The following OLFM2 variants were observed in gnomAD, a reference collection of about 807,000 sequenced individuals.
OLFM2 encodes olfactomedin 2.
In OLFM2, 20 loss-of-function variants were observed where a neutral mutation model predicts 43.9. The ratio of observed to expected loss-of-function variants is 0.46; its 90% CI spans 0.32 to 0.66. The LOEUF (loss-of-function observed/expected upper bound fraction) is 0.66. OLFM2 is among the 30% of genes least tolerant of loss of function. OLFM2 has a pLI of 0.04. For synonymous variants in OLFM2, 268 were observed against 278.6 expected (o/e 0.96, Z 0.38); for missense variants, 416 against 643.6 (o/e 0.65, Z 3.83).
rs768180536 is a variant in OLFM2 at position 9,936,353 on chromosome 19, G to A, written c.14C>T (p.Thr5Met). 5.3e-6 allele frequency: 8 copies of A among 1,499,968 alleles called. No homozygotes were observed. In the South Asian group the frequency reaches 7.4e-5, roughly 14 times the overall value. 92.9% of individuals were successfully genotyped at this position (1,499,968 alleles called of 1,614,324 possible). A position where few individuals can be genotyped will look rare whatever the true frequency, so the allele number is the denominator to read the frequency against. Residue 5 changes from threonine to methionine, a missense_variant, in exon 1 of 6, where the codon ACG becomes ATG. Thr to Met is a moderately conservative substitution (Grantham distance 81, BLOSUM62 -1). Coordinates refer to ENST00000264833, the MANE Select transcript of OLFM2 (RefSeq NM_058164.4). ...CAGCAGCAGCAGCGGCGGCGGGACC[G>A]TGAGCGGCCACATGACGCGCCCCTA... Reference protein sequence around the residue: MWPLTVPPPLLLLLC... With the variant: MWPLMVPPPLLLLLC...
At chr19:9,928,803 T>TAA (rs78229608) in intron 1 of OLFM2, among the ~76,000 whole-genome samples, 7 of 137,212 alleles carry the variant, frequency 5.1e-5, no homozygotes, top group African/African-American at 1.6e-4. Context: ...AGACTCTGTC[T>TAA]AAAAAAAAAA....
chr19:9,869,213 A>G (rs980258196), intron 1 of OLFM2, among the ~76,000 whole-genome samples: 1 of 152,178 alleles, frequency 6.6e-6, no homozygotes, highest in Admixed American at 6.5e-5. Context: ...GAGAAAGCTC[A>G]ATTATTTTTG....
chr19:9,863,609 CA>C (rs2046379953), intron 1 of OLFM2, among the ~76,000 whole-genome samples: 1 of 151,948 alleles, frequency 6.6e-6, no homozygotes, highest in Non-Finnish European at 1.5e-5. Context: ...TGATCATTTG[CA>C]CAGCCATTAC....
chr19:9,924,302 AAGCTGAGGT>A (rs1286212431), intron 1 of OLFM2, among the ~76,000 whole-genome samples: 2 of 149,000 alleles, frequency 1.3e-5, no homozygotes, highest in African/African-American at 4.9e-5. Context: ...GCTATTCGGG[AAGCTGAGGT>A]AGGAGAATGG....
intron 1 of OLFM2, among the ~76,000 whole-genome samples, chr19:9,897,327 CAAAAA>C (rs1160281673): frequency 2.1e-5 from 2 of 93,388 alleles, no homozygotes; most frequent in Admixed American, 1.3e-4. Context: ...GACTTCGTCT[CAAAAA>C]AAAAAAAAAA....
intron 1 of OLFM2, among the ~76,000 whole-genome samples, chr19:9,861,429 G>T (rs2046364796): frequency 6.6e-6 from 1 of 152,016 alleles, no homozygotes; most frequent in African/African-American, 2.4e-5. Context: ...CTCCCAAAGT[G>T]CTGGCATTAC....
At position 9,856,817 on chromosome 19, in the gene OLFM2, G is replaced by A. The variant is rs774239947; in HGVS notation, c.677C>T (p.Ala226Val). 1.4e-5 allele frequency: 23 copies of A among 1,612,970 alleles called. No homozygotes were observed. The highest frequency in any genetic ancestry group is 1.1e-4 in the African/African-American group (8 of 75,022). Residue 226 changes from alanine (A) to valine (V), a missense_variant, in exon 5 of 6, where the codon GCG becomes GTG. Physicochemically the swap from Ala to Val is moderately conservative, Grantham distance 64. Transcript: ENST00000264833. The surrounding 1 kb of genome is among the most constrained non-coding windows in gnomAD (Gnocchi z 4.0). ...SWMTDTMAPS[A>V]DSRVWYMDGY... ...GGCGCAGTCACTCACCCGGCTATCC[G>A]CACTGGGGGCCATCGTGTCAGTCAT...
chr19:9,908,453 A>C, intron 1 of OLFM2, among the ~76,000 whole-genome samples: 1 of 130,044 alleles, frequency 7.7e-6, no homozygotes, highest in Non-Finnish European at 1.6e-5. Context: ...GCCTGCCATC[A>C]CACCTGGCTA....
chr19:9,854,814 CG>C lies in OLFM2; in HGVS notation c.736del (p.Arg246ValfsTer130). On this transcript the variant is annotated frameshift_variant, in exon 6 of 6. Transcript: ENST00000264833. LOFTEE classifies it high-confidence loss of function. The surrounding 1 kb of genome is among the most constrained non-coding windows in gnomAD (Gnocchi z 9.5). ...YYKGRRVLEFRTLGDFIKGQN... is the reference protein window; with the variant it reads ...YYKGRRVLEFXTLGDFIKGQN... ...GCCTTTGATGAAGTCTCCCAGGGTA[CG>C]GAACTCCAGGACCCGGCGGCCTTTG... is the stretch of plus-strand genomic sequence containing the variant. The C allele has an allele frequency of 6.2e-7, 1 of 1,606,394 alleles. No homozygotes were observed. Among genetic ancestry groups the C allele is most frequent in the Non-Finnish European group, 8.5e-7 (1 of 1,174,568 alleles).
chr19:9,913,886 G>C (rs1443234535), intron 1 of OLFM2: 3 of 157,628 alleles, frequency 1.9e-5, no homozygotes, highest in Non-Finnish European at 4.0e-5. Flanking sequence ...ACTTCCAGCC[G>C]CCGTGACGTC....
intron 1 of OLFM2, among the ~76,000 whole-genome samples, chr19:9,899,257 TC>T (rs2046710552): frequency 6.7e-6 from 1 of 149,474 alleles, no homozygotes; most frequent in African/African-American, 2.5e-5. Context: ...AGAATGAGAT[TC>T]CATCTCAATT....
Position 9,857,381 on chromosome 19 carries a change from C to T in OLFM2, c.462G>A (p.Arg154=), listed in dbSNP as rs376237976. 6.2e-7 allele frequency: 1 copy of T among 1,614,184 alleles called. No individual in the cohort carries two copies. The highest frequency in any genetic ancestry group is 1.7e-5 in the Admixed American group (1 of 60,022). Residue 154 remains arginine, a synonymous_variant, in exon 4 of 6, where the codon AGG becomes AGA. Transcript: ENST00000264833. This position sits in a 1 kb window ranked among gnomAD's most constrained non-coding sequence, Gnocchi z 5.7. ...TGGCCGCCAGACTGCCGGAGAGATTCCTCACCTCCTCCCGCAAGCGTACAA... is the reference window on the plus strand; with the variant it reads ...TGGCCGCCAGACTGCCGGAGAGATTTCTCACCTCCTCCCGCAAGCGTACAA... ...RTIVRLREEV[R]NLSGSLAAIQ... is the part of the protein sequence containing the mutation.
chr19:9,924,406 CAA>C (rs1166738814), intron 1 of OLFM2, among the ~76,000 whole-genome samples: 527 of 25,706 alleles, frequency 0.021, 5 homozygotes, highest in African/African-American at 0.047. Flanking sequence ...ACTCTGTCTC[CAA>C]AAAAAAAAAA....
chr19:9,854,134 G>T lies in OLFM2; in HGVS notation c.*52C>A. 2 of 1,548,640 alleles carry T rather than the reference G, an allele frequency of 1.3e-6. No individual in the cohort carries two copies. The highest frequency in any genetic ancestry group is 1.8e-6 in the Non-Finnish European group (2 of 1,125,018). ...GAGGGACACAGGCAGAATGAAAAGG[G>T]CCCCCAGCCCCCAGAGGCCCCCCAG... On this transcript the variant is annotated 3_prime_UTR_variant, in exon 6 of 6. Coordinates refer to ENST00000264833, the MANE Select transcript of OLFM2 (RefSeq NM_058164.4). The surrounding 1 kb of genome is among the most constrained non-coding windows in gnomAD (Gnocchi z 9.5).
intron 1 of OLFM2, among the ~76,000 whole-genome samples, chr19:9,904,152 TTGTGTGTGTGTGTG>T (rs56281493): frequency 1.5e-3 from 195 of 127,258 alleles, no homozygotes; most frequent in South Asian, 4.0e-3. Flanking sequence ...TGAGTATTGT[TTGTGTGTGTGTGTG>T]TGTGTGTGTG....
intron 1 of OLFM2, among the ~76,000 whole-genome samples, chr19:9,894,413 A>AATAATAATAATG (rs34172574): frequency 9.6e-6 from 1 of 103,666 alleles, no homozygotes; most frequent in Non-Finnish European, 1.8e-5. Flanking sequence ...TAATAATAAT[A>AATAATAATAATG]AATAAATAAA....
chr19:9,909,851 C>T (rs989278718), intron 1 of OLFM2, among the ~76,000 whole-genome samples: 3 of 152,230 alleles, frequency 2.0e-5, no homozygotes, highest in Admixed American at 1.3e-4. Context: ...TAAAACAACC[C>T]CTCCTTACTA....
At chr19:9,904,257 C>T (rs1484637170) in intron 1 of OLFM2, among the ~76,000 whole-genome samples, 2 of 151,228 alleles carry the variant, frequency 1.3e-5, no homozygotes, top group Non-Finnish European at 2.9e-5. Context: ...GGGGCAGGAT[C>T]TCGGCTCTAT....
At chr19:9,858,877 G>A (rs1415071673) in intron 2 of OLFM2, among the ~76,000 whole-genome samples, 1 of 151,648 alleles carries the variant, frequency 6.6e-6, no homozygotes, top group African/African-American at 2.4e-5. Context: ...CCTGGCTAAG[G>A]TAGACTCCCA....
Sources: gnomAD v4.1 joint callset for allele counts (sites outside exome capture counted in the v4.1 genomes callset) on GRCh38, gnomAD v4.1.1 for gene constraint, Gnocchi (gnomAD v3.1) non-coding constraint, MANE v1.5 for transcripts, NCBI Gene and HGNC (gene_info 2026-07-23, HGNC 2026-07-21) for gene names.